SUCLG2: variants seen among roughly 807,000 people sequenced by gnomAD.
The protein encoded by SUCLG2 is succinate--CoA ligase [GDP-forming] subunit beta, mitochondrial.
In SUCLG2, 42 loss-of-function variants were observed where a neutral mutation model predicts 47.9. The ratio of observed to expected loss-of-function variants is 0.88; its 90% CI spans 0.69 to 1.14. SUCLG2 has a LOEUF of 1.14. Ranked by LOEUF, SUCLG2 falls within the 50% of genes most tolerant of loss-of-function variation. The probability of loss-of-function intolerance (pLI) is 0.00; values close to 1 mark genes in which losing one functional copy is unlikely to be tolerated. For synonymous variants in SUCLG2, 195 were observed against 197.3 expected, an observed-to-expected ratio of 0.99 and a Z score of 0.10; for missense variants, 571 against 525.9, an observed-to-expected ratio of 1.09 and a Z score of -0.84.
intron 2 of SUCLG2, among the ~76,000 whole-genome samples, chr3:67,530,068 T>C (rs529899322): frequency 6.6e-6 from 1 of 152,300 alleles, no homozygotes; most frequent in East Asian, 1.9e-4. Flanking sequence ...ACAGCTGATA[T>C]CCTCTGTTTG....
intron 3 of SUCLG2, 125 bp from the exon 4 acceptor site, chr3:67,528,347 G>A: frequency 1.2e-6 from 1 of 821,824 alleles, no homozygotes; most frequent in Non-Finnish European, 2.0e-6. Flanking sequence ...AAATCCATGA[G>A]TCTTTCTGCT....
intron 6 of SUCLG2, among the ~76,000 whole-genome samples, chr3:67,509,655 C>A (rs182746530): frequency 6.6e-6 from 1 of 152,246 alleles, no homozygotes; most frequent in East Asian, 1.9e-4. Flanking sequence ...ATGAGCCATG[C>A]CCCTACCCTG....
chr3:67,413,897 CAT>C (rs375806116), intron 9 of SUCLG2, among the ~76,000 whole-genome samples: 173 of 152,346 alleles, frequency 1.1e-3, no homozygotes, highest in Middle Eastern at 6.8e-3. Flanking sequence ...TCTTATCACA[CAT>C]GTTTCTCAGT....
chr3:67,489,359 C>A (rs1705148297), intron 9 of SUCLG2, among the ~76,000 whole-genome samples: 1 of 152,258 alleles, frequency 6.6e-6, no homozygotes, highest in South Asian at 2.1e-4. Context: ...GGTTTTCCAT[C>A]CTCTAGCTTA....
At chr3:67,381,350 A>T (rs1702154444) in intron 10 of SUCLG2, among the ~76,000 whole-genome samples, 2 of 152,178 alleles carry the variant, frequency 1.3e-5, no homozygotes, top group Admixed American at 1.3e-4. Flanking sequence ...TTATTTGAGT[A>T]TTTAAGGTTA....
intron 9 of SUCLG2, among the ~76,000 whole-genome samples, chr3:67,429,038 C>A (rs1194336628): frequency 6.6e-6 from 1 of 152,060 alleles, no homozygotes; most frequent in Admixed American, 6.6e-5. Flanking sequence ...CAGGACATTA[C>A]CCAGAAGAAC....
intron 10 of SUCLG2, among the ~76,000 whole-genome samples, chr3:67,364,354 G>C (rs1054143601): frequency 6.6e-6 from 1 of 152,064 alleles, no homozygotes; most frequent in Non-Finnish European, 1.5e-5. Flanking sequence ...CCTGCTCAGC[G>C]GTAAAGAGGC....
intron 2 of SUCLG2, among the ~76,000 whole-genome samples, chr3:67,562,729 C>G (rs1707339650): frequency 6.6e-6 from 1 of 152,192 alleles, no homozygotes; most frequent in South Asian, 2.1e-4. Context: ...CTGGTCACCT[C>G]ATAATGACAC....
intron 2 of SUCLG2, among the ~76,000 whole-genome samples, chr3:67,546,763 T>G (rs893496881): frequency 6.7e-6 from 1 of 149,894 alleles, no homozygotes; most frequent in East Asian, 2.0e-4. Flanking sequence ...TAGCTGAGCA[T>G]GGTGGCAGGT....
chr3:67,376,750 G>A (rs1257867512), intron 10 of SUCLG2, among the ~76,000 whole-genome samples: 1 of 152,158 alleles, frequency 6.6e-6, no homozygotes, highest in Non-Finnish European at 1.5e-5. Flanking sequence ...AGATGATGCA[G>A]CACTGATTCC....
At chr3:67,549,602 C>T (rs1047621746) in intron 2 of SUCLG2, among the ~76,000 whole-genome samples, 5 of 152,048 alleles carry the variant, frequency 3.3e-5, no homozygotes, top group African/African-American at 1.2e-4. Context: ...TTATAATCTG[C>T]GTTCTTTACA....
chr3:67,631,780 C>G (rs1018171722), intron 1 of SUCLG2, among the ~76,000 whole-genome samples: 1 of 152,184 alleles, frequency 6.6e-6, no homozygotes, highest in Admixed American at 6.5e-5. Flanking sequence ...ATGATGGTCT[C>G]AAAGGCACAA....
chr3:67,399,493 T>C (rs746784369), intron 10 of SUCLG2, among the ~76,000 whole-genome samples: 6 of 152,226 alleles, frequency 3.9e-5, no homozygotes, highest in Admixed American at 2.0e-4. Flanking sequence ...AACCATTTTG[T>C]GGCTGATAAA....
chr3:67,625,253 C>T (rs921263028), intron 1 of SUCLG2, among the ~76,000 whole-genome samples: 4 of 152,150 alleles, frequency 2.6e-5, no homozygotes, highest in East Asian at 1.9e-4. Flanking sequence ...ATCGAAGGCT[C>T]GGTGGGTCAT....
chr3:67,585,155 A>G (rs570020986), intron 2 of SUCLG2, among the ~76,000 whole-genome samples: 1 of 152,360 alleles, frequency 6.6e-6, no homozygotes, highest in African/African-American at 2.4e-5. Flanking sequence ...AGTTGCATAC[A>G]GAGCCCTACA....
rs141439794 is a variant in SUCLG2 at position 67,415,024 on chromosome 3, A to T, written c.1063-14173T>A. 4.6e-3 allele frequency among the ~76,000 whole-genome samples: 697 copies of T among 152,138 alleles called. 4 individuals carry two copies. The highest frequency in any genetic ancestry group is 0.015 in the African/African-American group (642 of 41,496). On this transcript the variant is annotated intron_variant, in intron 9 of 10. Coordinates refer to ENST00000307227, the MANE Select transcript of SUCLG2 (RefSeq NM_003848.4). ...TCTGCCACATGCCCAGCTAATTTTTAAAAAAGTTTTTGGTAGAGATGGAGC... is the reference window on the plus strand; with the variant it reads ...TCTGCCACATGCCCAGCTAATTTTTTAAAAAGTTTTTGGTAGAGATGGAGC...
chr3:67,600,003 C>T (rs759096661), intron 2 of SUCLG2, among the ~76,000 whole-genome samples: 5 of 152,206 alleles, frequency 3.3e-5, no homozygotes, highest in Non-Finnish European at 7.3e-5. Flanking sequence ...CTGTTACAAC[C>T]ACCTTGGGGA....
chr3:67,584,253 A>C (rs1707953728), intron 2 of SUCLG2, among the ~76,000 whole-genome samples: 1 of 152,206 alleles, frequency 6.6e-6, no homozygotes, highest in Non-Finnish European at 1.5e-5. Flanking sequence ...AACAATATGA[A>C]GTAACCTCAA....
At chr3:67,534,131 T>C (rs925236015) in intron 2 of SUCLG2, among the ~76,000 whole-genome samples, 1 of 152,066 alleles carries the variant, frequency 6.6e-6, no homozygotes, top group South Asian at 2.1e-4. Flanking sequence ...ATGATACAAA[T>C]AGGAAGTTAT....
Sources: allele counts gnomAD v4.1 joint callset (sites outside exome capture counted in the v4.1 genomes callset), GRCh38; gene constraint gnomAD v4.1.1; transcripts MANE v1.5; gene names NCBI Gene and HGNC (gene_info 2026-07-23, HGNC 2026-07-21).